ADAMTSL1: variants seen among roughly 807,000 people sequenced by gnomAD.
The protein encoded by ADAMTSL1 is ADAMTS-like protein 1.
ADAMTSL1 carries 126 observed loss-of-function variants against 201.8 expected under a neutral mutation model. The ratio of observed to expected loss-of-function variants is 0.62; its 90% CI spans 0.54 to 0.72. The LOEUF is 0.72. ADAMTSL1 is among the 30% of genes least tolerant of loss of function. ADAMTSL1 has a pLI of 0.00. For synonymous variants in ADAMTSL1, 1,121 were observed against 903.4 expected (o/e 1.24, Z -4.32); for missense variants, 2,679 against 2,277.8 (o/e 1.18, Z -3.59).
intron 1 of ADAMTSL1, among the ~76,000 whole-genome samples, chr9:18,055,404 A>G (rs964223997): frequency 1.3e-5 from 2 of 152,162 alleles, no homozygotes; most frequent in Non-Finnish European, 2.9e-5. Flanking sequence ...AGTGTGTAGA[A>G]GTAGGGTCAA....
chr9:18,324,950 C>T (rs1834770526), intron 2 of ADAMTSL1, among the ~76,000 whole-genome samples: 1 of 152,078 alleles, frequency 6.6e-6, no homozygotes, highest in Non-Finnish European at 1.5e-5. Context: ...AACTTAAACA[C>T]TTCACAGCGA....
intron 2 of ADAMTSL1, among the ~76,000 whole-genome samples, chr9:18,363,335 T>C (rs1158203865): frequency 6.6e-6 from 1 of 152,206 alleles, no homozygotes; most frequent in Non-Finnish European, 1.5e-5. Flanking sequence ...ATAAACTCAG[T>C]TGTGTAGGCA....
chr9:18,889,610 C>G lies in ADAMTSL1; in HGVS notation c.4505C>G (p.Ser1502Cys), dbSNP rs1421735664. Residue 1502 changes from serine to cysteine, a missense_variant, in exon 25 of 29, where the codon TCC becomes TGC. Ser to Cys is a moderately radical substitution (Grantham distance 112). Coordinates refer to ENST00000380548, the MANE Select transcript of ADAMTSL1 (RefSeq NM_001040272.6). ...SVDRLATCSASCGNRGVQQPR... is the reference protein window; with the variant it reads ...SVDRLATCSACCGNRGVQQPR... ...GACAGACTGGCAACCTGCTCAGCCT[C>G]CTGTGGTAACCGGGGGGTTCAGCAG... 1.2e-6 allele frequency: 2 copies of G among 1,613,844 alleles called. No individual in the cohort carries two copies. Among genetic ancestry groups the G allele is most frequent in the South Asian group, 2.2e-5 (2 of 91,038 alleles).
chr9:18,863,107 A>G (rs1387338910), intron 23 of ADAMTSL1, among the ~76,000 whole-genome samples: 1 of 152,190 alleles, frequency 6.6e-6, no homozygotes, highest in Admixed American at 6.5e-5. Flanking sequence ...GCCAAACTCT[A>G]TCTTACAGTA....
intron 2 of ADAMTSL1, among the ~76,000 whole-genome samples, chr9:18,408,669 G>A (rs964213494): frequency 7.2e-5 from 11 of 152,192 alleles, no homozygotes; most frequent in Admixed American, 2.6e-4. Context: ...GTTCAGTTCT[G>A]TCTCATTCTA....
At chr9:17,972,331 A>C (rs1263392589) in intron 1 of ADAMTSL1, among the ~76,000 whole-genome samples, 1 of 100,552 alleles carries the variant, frequency 9.9e-6, no homozygotes, top group Non-Finnish European at 1.9e-5. Flanking sequence ...AAGCTACAAC[A>C]GTCCCCGGTG....
intron 23 of ADAMTSL1, among the ~76,000 whole-genome samples, chr9:18,883,491 C>T (rs1368603276): frequency 6.6e-6 from 1 of 152,186 alleles, no homozygotes; most frequent in Non-Finnish European, 1.5e-5. Flanking sequence ...CAGTTTGATG[C>T]CATTGCATAC....
At chr9:17,928,595 T>C (rs1826650617) in intron 1 of ADAMTSL1, among the ~76,000 whole-genome samples, 1 of 152,024 alleles carries the variant, frequency 6.6e-6, no homozygotes, top group Non-Finnish European at 1.5e-5. Context: ...TCCTCAACAA[T>C]CCAGGAGCAT....
chr9:18,636,894 C>T (rs927247330), intron 6 of ADAMTSL1, among the ~76,000 whole-genome samples: 1 of 152,130 alleles, frequency 6.6e-6, no homozygotes, highest in South Asian at 2.1e-4. Flanking sequence ...AGCCATCTAT[C>T]GTCTGTCCTT....
rs545548641 is a variant in ADAMTSL1, at chr9:18,516,919, C to A, written c.191+11963C>A. ...GAAAAATGTTGTGACTCTCCAGACC[C>A]CTGTTTTGCAATGAACATCTGGGTG... On this transcript the variant is annotated intron_variant, in intron 2 of 28. Coordinates refer to ENST00000380548, the MANE Select transcript of ADAMTSL1 (RefSeq NM_001040272.6). Among the ~76,000 whole-genome samples the A allele has an allele frequency of 3.9e-5, 6 of 152,268 alleles. No individual in the cohort carries two copies. The South Asian group carries it at 1.2e-3, about 32-fold the overall frequency.
chr9:18,158,011 A>G (rs536081108), intron 1 of ADAMTSL1, among the ~76,000 whole-genome samples: 1 of 152,084 alleles, frequency 6.6e-6, no homozygotes, highest in South Asian at 2.1e-4. Flanking sequence ...ACAGCAACCA[A>G]AAATACTCAC....
intron 2 of ADAMTSL1, among the ~76,000 whole-genome samples, chr9:18,180,532 CAAAAAAAAA>C (rs71333030): frequency 1.4e-3 from 129 of 92,128 alleles, no homozygotes; most frequent in Admixed American, 2.0e-3. Flanking sequence ...GACTCCGTGT[CAAAAAAAAA>C]AAAAAAAAAA....
intron 1 of ADAMTSL1, among the ~76,000 whole-genome samples, chr9:17,990,554 T>C (rs966618939): frequency 7.9e-5 from 12 of 152,126 alleles, no homozygotes; most frequent in Non-Finnish European, 1.6e-4. Context: ...TATAAGTCAT[T>C]GCACTTATTG....
intron 3 of ADAMTSL1, among the ~76,000 whole-genome samples, chr9:18,554,845 G>T (rs1290450077): frequency 6.6e-6 from 1 of 151,618 alleles, no homozygotes; most frequent in Non-Finnish European, 1.5e-5. Flanking sequence ...TGGTACATTT[G>T]TTAGAATTAA....
intron 1 of ADAMTSL1, among the ~76,000 whole-genome samples, chr9:18,108,196 ATTTTTTTTTTT>A (rs5896770): frequency 4.8e-5 from 6 of 125,570 alleles, no homozygotes; most frequent in Admixed American, 1.7e-4. Flanking sequence ...AGAGTGTGGA[ATTTTTTTTTTT>A]TTTTTTTTTT....
At chr9:18,573,531 C>CA (rs1822477894) in intron 3 of ADAMTSL1, among the ~76,000 whole-genome samples, 1 of 152,260 alleles carries the variant, frequency 6.6e-6, no homozygotes, top group African/African-American at 2.4e-5. Flanking sequence ...AAGTCCTAGA[C>CA]AAAAAATTAC....
chr9:18,681,254 AC>A (rs1830452900), intron 11 of ADAMTSL1: 1 of 152,416 alleles, frequency 6.6e-6, no homozygotes, highest in African/African-American at 2.4e-5. Flanking sequence ...GACATGGGGA[AC>A]CATTAGAGGT....
chr9:18,266,843 G>A (rs943814859), intron 2 of ADAMTSL1, among the ~76,000 whole-genome samples: 1 of 152,136 alleles, frequency 6.6e-6, no homozygotes, highest in Admixed American at 6.6e-5. Flanking sequence ...TGAAAAAAGA[G>A]TTGATTAGGT....
chr9:18,684,332 C>G (rs1018912923), intron 12 of ADAMTSL1, among the ~76,000 whole-genome samples: 1 of 151,842 alleles, frequency 6.6e-6, no homozygotes, highest in African/African-American at 2.4e-5. Context: ...ATGAAAATAT[C>G]ACAATATAAT....
Sources: gnomAD v4.1 joint callset for allele counts (sites outside exome capture counted in the v4.1 genomes callset) on GRCh38, gnomAD v4.1.1 for gene constraint, MANE v1.5 for transcripts, NCBI Gene and HGNC (gene_info 2026-07-23, HGNC 2026-07-21) for gene names.